Variants in MTA3 observed in about 807,000 individuals in gnomAD.
MTA3 encodes the protein metastasis-associated protein MTA3.
In MTA3, 34 loss-of-function variants were observed where a neutral mutation model predicts 83.5. That is an observed-to-expected ratio of 0.41 (90% CI 0.31 to 0.54). MTA3 has a LOEUF of 0.54. Ranked by LOEUF, MTA3 falls within the 20% of genes least tolerant of loss-of-function variation. The probability of loss-of-function intolerance (pLI) is 0.33; values close to 1 mark genes in which losing one functional copy is unlikely to be tolerated. For missense variants in MTA3, 761 were observed against 726.4 expected (o/e 1.05, Z -0.55); for synonymous variants, 303 against 252.7 (o/e 1.20, Z -1.89).
At chr2:42,572,859 C>T (rs1461439396) in intron 2 of MTA3, among the ~76,000 whole-genome samples, 1 of 152,108 alleles carries the variant, frequency 6.6e-6, no homozygotes, top group Non-Finnish European at 1.5e-5. Flanking sequence ...TCCCAAGTAG[C>T]TGGGATTACA....
intron 2 of MTA3, among the ~76,000 whole-genome samples, chr2:42,514,791 G>A (rs13400914): frequency 0.45 from 64,344 of 144,578 alleles, 14,502 homozygotes; most frequent in Middle Eastern, 0.57. Context: ...GGGATCAAAT[G>A]ATCCTCCCGC....
At chr2:42,670,887 C>T (rs1448312310) in intron 8 of MTA3, among the ~76,000 whole-genome samples, 3 of 151,848 alleles carry the variant, frequency 2.0e-5, no homozygotes, top group Admixed American at 6.6e-5. Flanking sequence ...GTATAATAAT[C>T]GGACTCAGGA....
chr2:42,676,227 C>T (rs1247734902), intron 8 of MTA3, among the ~76,000 whole-genome samples: 1 of 152,200 alleles, frequency 6.6e-6, no homozygotes, highest in Non-Finnish European at 1.5e-5. Context: ...ACCTTTGAAA[C>T]AATGAATATA....
chr2:42,644,423 G>T (rs1409148637), intron 6 of MTA3, among the ~76,000 whole-genome samples, 179 bp downstream of exon 6: 2 of 152,216 alleles, frequency 1.3e-5, no homozygotes, highest in East Asian at 3.9e-4. Context: ...ATGAGGCCTC[G>T]CTATGTTGCC....
upstream of MTA3, among the ~76,000 whole-genome samples, chr2:42,566,433 T>C (rs1677913217): frequency 1.3e-5 from 2 of 152,170 alleles, no homozygotes; most frequent in Non-Finnish European, 2.9e-5. Context: ...AGCTCAGAAA[T>C]GTAGAGGACA....
intron 2 of MTA3, among the ~76,000 whole-genome samples, chr2:42,502,814 T>A (rs1271793744): frequency 1.9e-3 from 86 of 45,520 alleles, no homozygotes; most frequent in African/African-American, 3.9e-3. Flanking sequence ...AAAAAAAAAA[T>A]TAGCCGGGCA....
intron 2 of MTA3, among the ~76,000 whole-genome samples, chr2:42,547,812 A>G (rs2103762853): frequency 6.6e-6 from 1 of 152,296 alleles, no homozygotes; most frequent in Admixed American, 6.5e-5. Flanking sequence ...GGCCATATTT[A>G]GTTCGCTTTA....
At chr2:42,604,339 G>A (rs868170247) in intron 3 of MTA3, among the ~76,000 whole-genome samples, 3 of 152,302 alleles carry the variant, frequency 2.0e-5, no homozygotes, top group Middle Eastern at 3.4e-3. Flanking sequence ...CACTGCGCCC[G>A]GCGTCCAGTG....
intron 16 of MTA3, among the ~76,000 whole-genome samples, chr2:42,728,861 C>T (rs1668009406): frequency 6.6e-6 from 1 of 151,960 alleles, no homozygotes; most frequent in African/African-American, 2.4e-5. Flanking sequence ...GCTATTAATC[C>T]CTTGTCAGAT....
intron 2 of MTA3, among the ~76,000 whole-genome samples, chr2:42,517,276 ATAAT>A (rs1167034151): frequency 6.7e-6 from 1 of 149,822 alleles, no homozygotes; most frequent in Non-Finnish European, 1.5e-5. Context: ...ATAAAAATAA[ATAAT>A]AAATAATTAG....
intron 3 of MTA3, among the ~76,000 whole-genome samples, chr2:42,594,728 A>ATTT (rs1211133796): frequency 1.2e-4 from 3 of 24,040 alleles, no homozygotes; most frequent in African/African-American, 4.5e-4. Context: ...ATATATATAT[A>ATTT]TTTTTTTTTT....
intron 1 of MTA3, 126 bp downstream of exon 1, chr2:42,568,899 C>G (rs916244177): frequency 2.1e-6 from 2 of 969,268 alleles, no homozygotes; most frequent in African/African-American, 1.7e-5. Context: ...GGCTGGGGCG[C>G]CGGGGCCCGC....
intron 3 of MTA3, among the ~76,000 whole-genome samples, chr2:42,580,240 C>T (rs1679465786): frequency 6.6e-6 from 1 of 152,092 alleles, no homozygotes; most frequent in South Asian, 2.1e-4. Context: ...CTCAGCTTTC[C>T]AAAGTGCTGG....
rs35633597 is a variant in MTA3, at chr2:42,664,466, CTTTTTTTT to C, written c.702+4625_702+4632del. ...CCTACTACCCCCTCACCCCGCTTACCTTTTTTTTTTTTTTTTTTTTTTTTTTTTGAGAC... is the reference window on the plus strand; with the variant it reads ...CCTACTACCCCCTCACCCCGCTTACCTTTTTTTTTTTTTTTTTTTTGAGAC... On this transcript the variant is annotated intron_variant, in intron 8 of 16. Transcript: ENST00000405094. 2.3e-3 allele frequency among the ~76,000 whole-genome samples: 195 copies of C among 85,748 alleles called. 11 individuals are homozygous for C. Among genetic ancestry groups the C allele is most frequent in the African/African-American group, 8.7e-3 (183 of 21,042 alleles). The allele number at this position is 85,748 out of a possible 152,430, so 56.3% of individuals were successfully genotyped here.
At position 42,579,186 on chromosome 2, in the gene MTA3, C is replaced by T; in HGVS notation, c.176C>T (p.Ala59Val). Residue 59 changes from alanine to valine, a missense_variant, in exon 3 of 17, where the codon GCA becomes GTA. Transcript: ENST00000405094. ...RDISNTLIML[A>V]DKHAKEIEEE... ...ATTTCCAACACACTTATAATGCTCG[C>T]AGATAAGCATGCTAGTAAGTTGTTT... 1 of 1,595,292 alleles carries T rather than the reference C, an allele frequency of 6.3e-7. No individual in the cohort carries two copies. Among genetic ancestry groups the T allele is most frequent in the Non-Finnish European group, 8.5e-7 (1 of 1,171,850 alleles).
chr2:42,622,438 G>C (rs531641358), intron 4 of MTA3, among the ~76,000 whole-genome samples: 5 of 151,632 alleles, frequency 3.3e-5, no homozygotes, highest in Non-Finnish European at 7.4e-5. Flanking sequence ...GGGAGGGAGA[G>C]GGATCTTATT....
At chr2:42,704,936 G>T (rs1049466048) in intron 12 of MTA3, among the ~76,000 whole-genome samples, 2 of 152,160 alleles carry the variant, frequency 1.3e-5, no homozygotes. Context: ...CTCAAGCAAG[G>T]ATACAATATC....
At chr2:42,630,388 A>G (rs918436782) in intron 4 of MTA3, among the ~76,000 whole-genome samples, 1 of 152,214 alleles carries the variant, frequency 6.6e-6, no homozygotes, top group African/African-American at 2.4e-5. Flanking sequence ...TGAAGTATAC[A>G]ATAAAATGTC....
intron 11 of MTA3, among the ~76,000 whole-genome samples, chr2:42,699,762 G>A (rs1693698719): frequency 6.6e-6 from 1 of 152,144 alleles, no homozygotes; most frequent in African/African-American, 2.4e-5. Flanking sequence ...TCAGAAAAGA[G>A]TTGTTCAATA....
Sources: allele counts gnomAD v4.1 joint callset (sites outside exome capture counted in the v4.1 genomes callset), GRCh38; gene constraint gnomAD v4.1.1; transcripts MANE v1.5; gene names NCBI Gene and HGNC (gene_info 2026-07-23, HGNC 2026-07-21).